NRXN3: variants seen among roughly 807,000 people sequenced by gnomAD.
The protein encoded by NRXN3 is neurexin III.
A neutral mutation model predicts 137.6 loss-of-function variants in NRXN3; 32 were observed. The observed-to-expected ratio is 0.23, with a 90% CI of 0.18 to 0.31. The LOEUF is 0.31. Among genes scored for constraint, NRXN3 ranks in the 10% least tolerant of loss-of-function variants. The probability of loss-of-function intolerance (pLI) is 1.00; values close to 1 mark genes in which losing one functional copy is unlikely to be tolerated. For missense variants in NRXN3, 1,574 were observed against 2,062.5 expected, an observed-to-expected ratio of 0.76 and a Z score of 4.59; for synonymous variants, 798 against 784.5, an observed-to-expected ratio of 1.02 and a Z score of -0.29.
intron 10 of NRXN3, among the ~76,000 whole-genome samples, chr14:78,835,405 C>A (rs140921932): frequency 1.5e-4 from 23 of 152,100 alleles, no homozygotes; most frequent in Admixed American, 1.2e-3. Flanking sequence ...GAATTGGAAG[C>A]GATAGGTTTG....
intron 4 of NRXN3, among the ~76,000 whole-genome samples, chr14:78,298,254 G>C (rs78227817): frequency 0.039 from 5,966 of 152,304 alleles, 352 homozygotes; most frequent in East Asian, 0.29. Context: ...CTCCAGGCTG[G>C]GGGAGAGGAG....
intron 15 of NRXN3, among the ~76,000 whole-genome samples, chr14:79,063,324 C>A (rs539829998): frequency 6.6e-6 from 1 of 152,188 alleles, no homozygotes; most frequent in African/African-American, 2.4e-5. Flanking sequence ...GCTCTTATTG[C>A]CCAGGCTGGA....
At chr14:78,563,523 T>C (rs932202409) in intron 4 of NRXN3, among the ~76,000 whole-genome samples, 2 of 152,184 alleles carry the variant, frequency 1.3e-5, no homozygotes, top group African/African-American at 4.8e-5. Flanking sequence ...AGTAACTGTG[T>C]CCAGTTATCA....
intron 2 of NRXN3, among the ~76,000 whole-genome samples, chr14:78,264,396 G>A (rs923465446): frequency 6.6e-6 from 1 of 152,196 alleles, no homozygotes; most frequent in Non-Finnish European, 1.5e-5. Flanking sequence ...GCCTTAAGCT[G>A]TATGTGCAGT....
intron 19 of NRXN3, among the ~76,000 whole-genome samples, chr14:79,702,172 C>G (rs904893099): frequency 6.6e-6 from 1 of 152,044 alleles, no homozygotes; most frequent in African/African-American, 2.4e-5. Context: ...ACAGACTTCT[C>G]TGACACCTCA....
intron 1 of NRXN3, among the ~76,000 whole-genome samples, chr14:78,213,536 C>G (rs1025680381): frequency 1.3e-5 from 2 of 152,152 alleles, no homozygotes; most frequent in African/African-American, 4.8e-5. Context: ...GATGGGAAGT[C>G]CCCAAGCAAG....
chr14:79,524,079 T>C (rs1056353873), intron 16 of NRXN3, among the ~76,000 whole-genome samples: 5 of 152,216 alleles, frequency 3.3e-5, no homozygotes, highest in Admixed American at 2.6e-4. Flanking sequence ...GACAAAACTA[T>C]CTTGCGGAGG....
chr14:79,765,045 C>T (rs984414397), intron 19 of NRXN3, among the ~76,000 whole-genome samples: 29 of 152,182 alleles, frequency 1.9e-4, no homozygotes, highest in African/African-American at 6.8e-4. Flanking sequence ...GACATCCATG[C>T]ACATTCATGC....
chr14:79,126,952 T>C (rs2056611837), intron 15 of NRXN3, among the ~76,000 whole-genome samples: 1 of 152,228 alleles, frequency 6.6e-6, no homozygotes, highest in African/African-American at 2.4e-5. Context: ...TTCATGTGTT[T>C]TTTGGCTGCA....
intron 15 of NRXN3, among the ~76,000 whole-genome samples, chr14:79,140,723 G>A (rs1389282909): frequency 6.6e-6 from 1 of 151,980 alleles, no homozygotes; most frequent in Non-Finnish European, 1.5e-5. Flanking sequence ...AAACATATAG[G>A]AATACAAGAA....
chr14:78,278,329 C>A (rs547453003), intron 2 of NRXN3, among the ~76,000 whole-genome samples: 1 of 152,276 alleles, frequency 6.6e-6, no homozygotes, highest in Non-Finnish European at 1.5e-5. Context: ...AATATTCTTG[C>A]AGGATTCCAG....
chr14:78,690,716 A>G (rs544174623), intron 6 of NRXN3, among the ~76,000 whole-genome samples: 6 of 152,210 alleles, frequency 3.9e-5, no homozygotes, highest in Non-Finnish European at 7.3e-5. Flanking sequence ...AGGTTCAGAT[A>G]TATCTACACA....
chr14:79,044,860 A>G (rs2152546904), intron 15 of NRXN3, among the ~76,000 whole-genome samples: 1 of 149,840 alleles, frequency 6.7e-6, no homozygotes, highest in South Asian at 2.1e-4. Context: ...TCCTGCTATA[A>G]CCATTCTCAG....
chr14:78,282,223 G>T (rs1386630975), intron 3 of NRXN3: 2 of 463,550 alleles, frequency 4.3e-6, no homozygotes, highest in Non-Finnish European at 8.7e-6. Flanking sequence ...GGCAGAGGTG[G>T]GCATCTCTGC....
intron 16 of NRXN3, among the ~76,000 whole-genome samples, chr14:79,614,654 C>A (rs899923703): frequency 6.6e-6 from 1 of 152,134 alleles, no homozygotes; most frequent in Non-Finnish European, 1.5e-5. Flanking sequence ...TTATGGGGAA[C>A]GTGAACAGAA....
chr14:78,427,477 G>A (rs1445090623), intron 4 of NRXN3, among the ~76,000 whole-genome samples: 2 of 152,164 alleles, frequency 1.3e-5, no homozygotes, highest in Non-Finnish European at 2.9e-5. Context: ...TTAAAAGATC[G>A]ATCGAAGCCT....
At chr14:79,183,222 A>G (rs904135576) in intron 15 of NRXN3, among the ~76,000 whole-genome samples, 1 of 152,214 alleles carries the variant, frequency 6.6e-6, no homozygotes, top group East Asian at 1.9e-4. Flanking sequence ...AATTATTATC[A>G]AAACCTCATT....
intron 15 of NRXN3, among the ~76,000 whole-genome samples, chr14:79,162,107 TG>T (rs1409198264): frequency 5.6e-4 from 5 of 8,972 alleles, no homozygotes; most frequent in Non-Finnish European, 1.8e-3. Flanking sequence ...TTTTTGTTTT[TG>T]TTTTTTTTTT....
rs2099418212 is a variant in NRXN3 at position 79,866,735 on chromosome 14, C to T, written c.*4771C>T. 6.6e-6 allele frequency: 1 copy of T among 152,130 alleles called. No individual in the cohort carries two copies. Among genetic ancestry groups the T allele is most frequent in the South Asian group, 2.1e-4 (1 of 4,828 alleles). 9.4% of individuals were successfully genotyped at this position (152,130 alleles called of 1,614,324 possible). Reference sequence around the variant, plus strand: ...TAACTGATCTACTCTTATGGAGCAACCGAGTTTCCTGATAGAGATGTTTAT... The same window carrying T: ...TAACTGATCTACTCTTATGGAGCAATCGAGTTTCCTGATAGAGATGTTTAT... On this transcript the variant is annotated 3_prime_UTR_variant, in exon 21 of 21. Coordinates refer to ENST00000335750, the MANE Select transcript of NRXN3 (RefSeq NM_001330195.2).
Sources: allele counts gnomAD v4.1 joint callset (sites outside exome capture counted in the v4.1 genomes callset), GRCh38; gene constraint gnomAD v4.1.1; transcripts MANE v1.5; gene names NCBI Gene and HGNC (gene_info 2026-07-23, HGNC 2026-07-21).